Variants in PRKCG observed in about 807,000 individuals in gnomAD.
PRKCG encodes protein kinase C gamma type.
Under a neutral mutation model 82.0 loss-of-function variants are expected in PRKCG, and 28 were observed. The ratio of observed to expected loss-of-function variants is 0.34; its 90% CI spans 0.25 to 0.47. The LOEUF is 0.47. PRKCG is among the 20% of genes least tolerant of loss of function. The probability of loss-of-function intolerance (pLI) is 1.00; values close to 1 mark genes in which losing one functional copy is unlikely to be tolerated. For synonymous variants in PRKCG, 383 were observed against 376.6 expected, an observed-to-expected ratio of 1.02 and a Z score of -0.20; for missense variants, 640 against 952.7, an observed-to-expected ratio of 0.67 and a Z score of 4.32.
rs307949 is a variant in PRKCG at position 53,889,062 on chromosome 19, C to T, written c.286-576C>T. Reference sequence around the variant, plus strand: ...CGGCCTCCTGGATTCAAGCAATTCTCATGCCTCAGCCTCCTGAGTAGCTGG... The same window carrying T: ...CGGCCTCCTGGATTCAAGCAATTCTTATGCCTCAGCCTCCTGAGTAGCTGG... On this transcript the variant is annotated intron_variant, in intron 3 of 17. Coordinates refer to ENST00000263431, the MANE Select transcript of PRKCG (RefSeq NM_002739.5). The surrounding 1 kb of genome is among the most constrained non-coding windows in gnomAD (Gnocchi z 4.4). Among the ~76,000 whole-genome samples the T allele has an allele frequency of 0.068, 10,424 of 152,210 alleles. 734 individuals carry two copies. Among genetic ancestry groups the T allele is most frequent in the African/African-American group, 0.18 (7,434 of 41,490 alleles).
chr19:53,900,008 C>T lies in PRKCG; in HGVS notation c.1282-225C>T, dbSNP rs943101532. Reference sequence around the variant, plus strand: ...GCTTCAGTCTTCAATTCTGAGAAGGCGGGGCCAGAACACGTGGTCTGATAG... The same window carrying T: ...GCTTCAGTCTTCAATTCTGAGAAGGTGGGGCCAGAACACGTGGTCTGATAG... On this transcript the variant is annotated intron_variant, in intron 11 of 17. Transcript: ENST00000263431. This position sits in a 1 kb window ranked among gnomAD's most constrained non-coding sequence, Gnocchi z 4.2. Among the ~76,000 whole-genome samples, 1 of 152,080 alleles carries T rather than the reference C, an allele frequency of 6.6e-6. No homozygotes were observed. The highest frequency in any genetic ancestry group is 2.4e-5 in the African/African-American group (1 of 41,394).
chr19:53,906,931 C>G lies in PRKCG; in HGVS notation c.*36C>G. ...CGCCACTAGGTGTCCCCAACGTCCC[C>G]TCCGCCGTGCCGGCGGCAGCCCCAC... is the stretch of plus-strand genomic sequence containing the variant. On this transcript the variant is annotated 3_prime_UTR_variant, in exon 18 of 18. Coordinates refer to ENST00000263431, the MANE Select transcript of PRKCG (RefSeq NM_002739.5). 1 of 1,612,662 alleles carries G rather than the reference C, an allele frequency of 6.2e-7. No individual in the cohort carries two copies. Among genetic ancestry groups the G allele is most frequent in the Non-Finnish European group, 8.5e-7 (1 of 1,179,524 alleles).
At chr19:53,906,089 T>TCC (rs2068806821) in intron 16 of PRKCG, among the ~76,000 whole-genome samples, 1 of 80,114 alleles carries the variant, frequency 1.2e-5, no homozygotes, top group African/African-American at 1.1e-4. Flanking sequence ...CTCCTCCTTC[T>TCC]TCTTCTTCTT....
chr19:53,906,775 C>G lies in PRKCG; in HGVS notation c.1974C>G (p.Asp658Glu). 6.2e-7 allele frequency: 1 copy of G among 1,613,662 alleles called. No individual in the cohort carries two copies. The highest frequency in any genetic ancestry group is 8.5e-7 in the Non-Finnish European group (1 of 1,180,028). Residue 658 changes from aspartate (D) to glutamate (E), a missense_variant, in exon 18 of 18, where the codon GAC becomes GAG. By Grantham distance (45) the Asp-to-Glu change is conservative. Around this residue, in one of 7 missense-constraint regions of PRKCG, gnomAD observed 198 missense variants for 273.4 expected, o/e 0.72. Transcript: ENST00000263431. ...CGGCGCCAGCGCTGACCCCTCCAGA[C>G]CGCCTAGTCCTGGCCAGCATCGACC... ...TRAAPALTPPDRLVLASIDQA... is the reference protein window; with the variant it reads ...TRAAPALTPPERLVLASIDQA...
intron 9 of PRKCG, 88 bp downstream of exon 9, chr19:53,893,479 CCA>C: frequency 7.2e-7 from 1 of 1,379,802 alleles, no homozygotes; most frequent in Non-Finnish European, 1.0e-6. Context: ...CTTCAATTCC[CCA>C]CACATGAGTT....
rs1161252043 is a variant in PRKCG, at chr19:53,907,506, G to A, written c.*611G>A. On this transcript the variant is annotated 3_prime_UTR_variant, in exon 18 of 18. Transcript: ENST00000263431. ...CACTTCTCCCCGCAGCCCGCCTGCC[G>A]TGCATGGCTCCTGTCTGGCTCGGAC... 6 of 161,532 alleles carry A rather than the reference G, an allele frequency of 3.7e-5. No homozygotes were observed. Among genetic ancestry groups the A allele is most frequent in the Non-Finnish European group, 6.8e-5 (5 of 73,510 alleles). The allele number at this position is 161,532 out of a possible 1,614,324, so 10.0% of individuals were successfully genotyped here.
chr19:53,904,568 G>A, intron 15 of PRKCG, 67 bp from the exon 16 acceptor site: 16 of 1,371,820 alleles, frequency 1.2e-5, no homozygotes, highest in Non-Finnish European at 1.6e-5. Context: ...GGGTGAGGAG[G>A]GTGTGGAAGG....
chr19:53,892,368 G>A lies in PRKCG; in HGVS notation c.687-141G>A. Reference sequence around the variant, plus strand: ...CTAGCTGGAGAGAGAGCCCGGCTGGGAAGGTCAGAGGTCGGAGACCGACAA... The same window carrying A: ...CTAGCTGGAGAGAGAGCCCGGCTGGAAAGGTCAGAGGTCGGAGACCGACAA... On this transcript the variant is annotated intron_variant, in intron 6 of 17. Coordinates refer to ENST00000263431, the MANE Select transcript of PRKCG (RefSeq NM_002739.5). This position sits in a 1 kb window ranked among gnomAD's most constrained non-coding sequence, Gnocchi z 5.9. 2.3e-6 allele frequency: 3 copies of A among 1,300,234 alleles called. No homozygotes were observed. Among genetic ancestry groups the A allele is most frequent in the Non-Finnish European group, 3.2e-6 (3 of 948,528 alleles). 80.5% of individuals were successfully genotyped at this position (1,300,234 alleles called of 1,614,324 possible). A position where few individuals can be genotyped will look rare whatever the true frequency, so the allele number is the denominator to read the frequency against.
rs35336576 is a variant in PRKCG at position 53,889,424 on chromosome 19, G to GTTT, written c.286-205_286-203dup. On this transcript the variant is annotated intron_variant, in intron 3 of 17. Coordinates refer to ENST00000263431, the MANE Select transcript of PRKCG (RefSeq NM_002739.5). The surrounding 1 kb of genome is among the most constrained non-coding windows in gnomAD (Gnocchi z 4.4). ...GAAGTAAACTCCATGTGACAAAGAGGTTTTTTTTTTTCATTTGTTTAATGC... is the reference window on the plus strand; with the variant it reads ...GAAGTAAACTCCATGTGACAAAGAGGTTTTTTTTTTTTTTCATTTGTTTAATGC... Among the ~76,000 whole-genome samples, 9 of 147,754 alleles carry GTTT rather than the reference G, an allele frequency of 6.1e-5. No homozygotes were observed. The East Asian group carries it at 1.6e-3, about 26-fold the overall frequency.
chr19:53,902,890 CAAAAAAAAAAAAAA>C (rs56955659), intron 14 of PRKCG, among the ~76,000 whole-genome samples, 169 bp from the exon 15 acceptor site: 4 of 19,976 alleles, frequency 2.0e-4, no homozygotes, highest in South Asian at 2.0e-3. Context: ...GAGACCCTGT[CAAAAAAAAAAAAAA>C]AAAAAAAAAA....
At position 53,882,305 on chromosome 19, in the gene PRKCG, C is replaced by A. The variant is rs748380013; in HGVS notation, c.-190C>A. The A allele has an allele frequency of 3.8e-6, 3 of 793,846 alleles. No homozygotes were observed. Among genetic ancestry groups the A allele is most frequent in the Admixed American group, 5.4e-5 (2 of 37,144 alleles). The allele number at this position is 793,846 out of a possible 1,614,324, so 49.2% of individuals were successfully genotyped here. On this transcript the variant is annotated 5_prime_UTR_variant, in exon 1 of 18. Coordinates refer to ENST00000263431, the MANE Select transcript of PRKCG (RefSeq NM_002739.5). This position sits in a 1 kb window ranked among gnomAD's most constrained non-coding sequence, Gnocchi z 6.1. ...CTCCCCACTCGCCCGCTCCCCCTGG[C>A]GGAGCCGGCGCGCCCGGGGTGCCGC...
In PRKCG at chr19:53,904,631, A is replaced by G. The variant is rs1423130602; in HGVS notation, c.1657-4A>G. ...CTGACTCTCTATCCCCTCCACTTTG[A>G]TAGCCTCCCTTCGATGGGGAGGACG... On this transcript the variant is annotated splice_region_variant and splice_polypyrimidine_tract_variant and intron_variant, in intron 15 of 17. Transcript: ENST00000263431. 1 of 1,611,626 alleles carries G rather than the reference A, an allele frequency of 6.2e-7. No individual in the cohort carries two copies. The highest frequency in any genetic ancestry group is 1.3e-5 in the African/African-American group (1 of 74,554).
chr19:53,892,437 A>G lies in PRKCG; in HGVS notation c.687-72A>G. On this transcript the variant is annotated intron_variant, in intron 6 of 17. Transcript: ENST00000263431. The surrounding 1 kb of genome is among the most constrained non-coding windows in gnomAD (Gnocchi z 5.9). ...GCTGGCTGGGTTTGCCCCCACCTCC[A>G]GCACCAAGGATGGGGAACCGAGGGG... 2 of 1,567,382 alleles carry G rather than the reference A, an allele frequency of 1.3e-6. No homozygotes were observed. The highest frequency in any genetic ancestry group is 1.8e-5 in the Admixed American group (1 of 54,626).
chr19:53,882,111 C>T (rs557397141), upstream of PRKCG: 13 of 292,416 alleles, frequency 4.4e-5, no homozygotes, highest in African/African-American at 1.2e-4. This position sits in a 1 kb window ranked among gnomAD's most constrained non-coding sequence, Gnocchi z 6.1. Flanking sequence ...GACATTTGTC[C>T]CGTGTCTCCG....
rs2068607815 is a variant in PRKCG at position 53,883,419 on chromosome 19, G to A, written c.202+225G>A. Among the ~76,000 whole-genome samples, 1 of 151,982 alleles carries A rather than the reference G, an allele frequency of 6.6e-6. No homozygotes were observed. Among genetic ancestry groups the A allele is most frequent in the Non-Finnish European group, 1.5e-5 (1 of 67,958 alleles). On this transcript the variant is annotated intron_variant, in intron 2 of 17. Coordinates refer to ENST00000263431, the MANE Select transcript of PRKCG (RefSeq NM_002739.5). This position sits in a 1 kb window ranked among gnomAD's most constrained non-coding sequence, Gnocchi z 5.4. Reference sequence around the variant, plus strand: ...CCCCTCCCTCGGCCGGCTCCAGGTGGGGACAGATATTTGGAGAATCTGTTG... The same window carrying A: ...CCCCTCCCTCGGCCGGCTCCAGGTGAGGACAGATATTTGGAGAATCTGTTG...
Position 53,900,364 on chromosome 19 carries a change from G to A in PRKCG, c.1373+40G>A. On this transcript the variant is annotated intron_variant, in intron 12 of 17. Transcript: ENST00000263431. This position sits in a 1 kb window ranked among gnomAD's most constrained non-coding sequence, Gnocchi z 4.2. ...ACAGAGAATGGTCGGGGTGGTGGAA[G>A]GGGGCAGGATCCAGCCACTGACCTT... 1 of 1,613,898 alleles carries A rather than the reference G, an allele frequency of 6.2e-7. No homozygotes were observed. The highest frequency in any genetic ancestry group is 8.5e-7 in the Non-Finnish European group (1 of 1,179,798).
At chr19:53,906,040 TCCCTCCTCC>T (rs2068802923) in intron 16 of PRKCG, among the ~76,000 whole-genome samples, 2 of 51,482 alleles carry the variant, frequency 3.9e-5, no homozygotes, top group African/African-American at 2.3e-4. Context: ...CTCCTCCTCC[TCCCTCCTCC>T]TCCTCCTCCT....
chr19:53,886,910 G>A (rs2068635348), intron 3 of PRKCG, among the ~76,000 whole-genome samples: 1 of 152,204 alleles, frequency 6.6e-6, no homozygotes, highest in South Asian at 2.1e-4. Context: ...GGATTGTTTT[G>A]AAGATTTAGT....
Position 53,900,131 on chromosome 19 carries a change from G to A in PRKCG, c.1282-102G>A. ...CTAGGTGCTCTGAATTTCTGGTTGG[G>A]TGCATCTGGAACCTTCCACGTCTGT... On this transcript the variant is annotated intron_variant, in intron 11 of 17. Coordinates refer to ENST00000263431, the MANE Select transcript of PRKCG (RefSeq NM_002739.5). This position sits in a 1 kb window ranked among gnomAD's most constrained non-coding sequence, Gnocchi z 4.2. 1 of 1,101,554 alleles carries A rather than the reference G, an allele frequency of 9.1e-7. No homozygotes were observed. The highest frequency in any genetic ancestry group is 1.4e-6 in the Non-Finnish European group (1 of 719,544). 68.2% of individuals were successfully genotyped at this position (1,101,554 alleles called of 1,614,324 possible).
Sources: allele counts gnomAD v4.1 joint callset (sites outside exome capture counted in the v4.1 genomes callset), GRCh38; gene constraint gnomAD v4.1.1; regional missense constraint gnomAD v4.1.1; non-coding constraint Gnocchi (gnomAD v3.1); transcripts MANE v1.5; gene names NCBI Gene and HGNC (gene_info 2026-07-23, HGNC 2026-07-21).